The following SNX18 variants were observed in gnomAD, a reference collection of about 807,000 sequenced individuals.
SNX18 encodes sorting nexin-18.
Under a neutral mutation model 48.7 loss-of-function variants are expected in SNX18, and 35 were observed. The observed-to-expected ratio is 0.72, with a 90% CI of 0.55 to 0.95. SNX18 has a LOEUF of 0.95. Ranked by LOEUF, SNX18 falls within the 40% of genes least tolerant of loss-of-function variation. SNX18 has a pLI of 0.00. For missense variants in SNX18, 824 were observed against 871.0 expected (o/e 0.95, Z 0.68); for synonymous variants, 492 against 384.7 (o/e 1.28, Z -3.26).
chr5:54,619,574 A>T, the SNX18 span, among the ~76,000 whole-genome samples: 3 of 152,186 alleles, frequency 2.0e-5, no homozygotes, highest in East Asian at 5.8e-4. Context: ...GTTAGGGCAC[A>T]ATACACTTTG....
At chr5:54,547,605 G>T (rs1236434926), downstream of SNX18, among the ~76,000 whole-genome samples, 1 of 152,194 alleles carries the variant, frequency 6.6e-6, no homozygotes. Flanking sequence ...AAAGGTGAGA[G>T]TCTGTGCTGC....
chr5:54,572,672 T>G, the SNX18 span, among the ~76,000 whole-genome samples: 10 of 149,188 alleles, frequency 6.7e-5, no homozygotes, highest in Admixed American at 6.8e-5. Context: ...TTATGTTAAT[T>G]TATTAAAATA....
chr5:54,563,675 A>T, the SNX18 span, among the ~76,000 whole-genome samples: 2 of 152,098 alleles, frequency 1.3e-5, no homozygotes, highest in Non-Finnish European at 2.9e-5. Context: ...CACCTTTCTG[A>T]TCCAGGTACA....
chr5:54,591,639 CT>C, the SNX18 span, among the ~76,000 whole-genome samples: 3 of 152,256 alleles, frequency 2.0e-5, no homozygotes, highest in Non-Finnish European at 2.9e-5. Context: ...TAATGTTCTC[CT>C]TTACCTCCTA....
chr5:54,518,266 A>C lies in SNX18; in HGVS notation c.314A>C (p.Gln105Pro). The C allele has an allele frequency of 6.8e-7, 1 of 1,475,786 alleles. No individual in the cohort carries two copies. Among genetic ancestry groups the C allele is most frequent in the African/African-American group, 1.5e-5 (1 of 67,768 alleles). The allele number at this position is 1,475,786 out of a possible 1,614,324, so 91.4% of individuals were successfully genotyped here. A position where few individuals can be genotyped will look rare whatever the true frequency, so the allele number is the denominator to read the frequency against. The change falls in exon 1 of 2, where the codon CAG becomes CCG. Residue 105 changes from glutamine (Q) to proline (P), a missense_variant. By Grantham distance (76) the Gln-to-Pro change is moderately conservative. Coordinates refer to ENST00000381410, the MANE Select transcript of SNX18 (RefSeq NM_001102575.2). Reference protein sequence around the residue: ...ASFKPPPDAFQALLQPQQAPP... With the variant: ...ASFKPPPDAFPALLQPQQAPP... ...TTCAAGCCGCCGCCTGACGCCTTCC[A>C]GGCGCTGCTGCAGCCACAGCAGGCG...
the SNX18 span, among the ~76,000 whole-genome samples, chr5:54,559,482 C>G: frequency 6.6e-6 from 1 of 152,132 alleles, no homozygotes; most frequent in South Asian, 2.1e-4. Context: ...GAAAAGACTC[C>G]CTATTCAATA....
chr5:54,567,141 A>T, the SNX18 span, among the ~76,000 whole-genome samples: 2 of 152,100 alleles, frequency 1.3e-5, no homozygotes, highest in Non-Finnish European at 2.9e-5. Context: ...CTTGGGAGCA[A>T]AGGTGACTTT....
the SNX18 span, among the ~76,000 whole-genome samples, chr5:54,626,000 G>A: frequency 5.3e-5 from 8 of 152,150 alleles, no homozygotes; most frequent in African/African-American, 7.2e-5. Flanking sequence ...GCCGTTGTTT[G>A]AACAACTTGA....
chr5:54,518,666 C>T lies in SNX18; in HGVS notation c.714C>T (p.Ser238=), dbSNP rs757806316. ...NLNRFSTFVK[S]GGEAFVLGEA... ...ATCGCTTCTCCACCTTCGTCAAGTC[C>T]GGCGGGGAGGCCTTCGTGCTGGGGG... is the stretch of plus-strand genomic sequence containing the variant. Residue 238 remains serine (S), a synonymous_variant, in exon 1 of 2, where the codon TCC becomes TCT. Transcript: ENST00000381410. 6 of 1,559,542 alleles carry T rather than the reference C, an allele frequency of 3.8e-6. No homozygotes were observed. Among genetic ancestry groups the T allele is most frequent in the African/African-American group, 1.4e-5 (1 of 73,146 alleles).
At chr5:54,571,072 C>T in the SNX18 span, among the ~76,000 whole-genome samples, 1 of 152,156 alleles carries the variant, frequency 6.6e-6, no homozygotes, top group Non-Finnish European at 1.5e-5. Context: ...CCTTGCACCC[C>T]TTGGTCCCTT....
chr5:54,642,819 C>A, the SNX18 span, among the ~76,000 whole-genome samples: 1 of 152,136 alleles, frequency 6.6e-6, no homozygotes, highest in Non-Finnish European at 1.5e-5. Flanking sequence ...TCAATTGTAT[C>A]CAGGGCTCCT....
downstream of SNX18, among the ~76,000 whole-genome samples, chr5:54,550,667 T>C (rs1244168628): frequency 4.6e-5 from 7 of 152,202 alleles, no homozygotes; most frequent in Non-Finnish European, 7.3e-5. Flanking sequence ...TACTGCAATC[T>C]CCGCCTCCCG....
the SNX18 span, among the ~76,000 whole-genome samples, chr5:54,628,192 AT>A: frequency 6.6e-6 from 1 of 152,176 alleles, no homozygotes; most frequent in Non-Finnish European, 1.5e-5. Flanking sequence ...CTGGGATGTT[AT>A]GCTTCACCTC....
At position 54,544,695 on chromosome 5, in the gene SNX18, A is replaced by G. The variant is rs958124693; in HGVS notation, c.*1263A>G. ...ATTTTAAATGTATTCTTTTATTATT[A>G]TAAGGGAAATACAGATGGCTGATAA... On this transcript the variant is annotated 3_prime_UTR_variant, in exon 2 of 2. Transcript: ENST00000381410. 1 of 129,270 alleles carries G rather than the reference A, an allele frequency of 7.7e-6. No individual in the cohort carries two copies. Among genetic ancestry groups the G allele is most frequent in the African/African-American group, 2.8e-5 (1 of 35,260 alleles). The allele number at this position is 129,270 out of a possible 1,614,324, so 8.0% of individuals were successfully genotyped here. A position where few individuals can be genotyped will look rare whatever the true frequency, so the allele number is the denominator to read the frequency against.
the SNX18 span, among the ~76,000 whole-genome samples, chr5:54,568,883 C>T: frequency 7.4e-6 from 1 of 134,268 alleles, no homozygotes; most frequent in African/African-American, 2.8e-5. Context: ...TGCTCTGTCT[C>T]CCAGGCTGGA....
chr5:54,587,936 G>A, the SNX18 span, among the ~76,000 whole-genome samples: 11 of 152,170 alleles, frequency 7.2e-5, no homozygotes, highest in Non-Finnish European at 1.3e-4. Flanking sequence ...GATTGTGAAC[G>A]AATGTGATGA....
rs374095539 is a variant in SNX18 at position 54,518,136 on chromosome 5, C to A, written c.184C>A (p.Pro62Thr). 1 of 1,428,898 alleles carries A rather than the reference C, an allele frequency of 7.0e-7. No homozygotes were observed. The allele number at this position is 1,428,898 out of a possible 1,614,324, so 88.5% of individuals were successfully genotyped here. A position where few individuals can be genotyped will look rare whatever the true frequency, so the allele number is the denominator to read the frequency against. The change falls in exon 1 of 2, where the codon CCC (proline) becomes ACC (threonine). Residue 62 changes from proline to threonine, a missense_variant. By Grantham distance (38) the Pro-to-Thr change is conservative. Coordinates refer to ENST00000381410, the MANE Select transcript of SNX18 (RefSeq NM_001102575.2). ...PASYVQVIRA[P>T]EPGPAGDGGP... ...CTCCTATGTGCAGGTGATCCGCGCC[C>A]CCGAGCCTGGCCCGGCGGGAGACGG...
chr5:54,568,833 C>CTTTT, the SNX18 span, among the ~76,000 whole-genome samples: 1 of 69,528 alleles, frequency 1.4e-5, no homozygotes, highest in Non-Finnish European at 2.6e-5. Context: ...TTCAGTGGTA[C>CTTTT]TTTTTTTTTT....
the SNX18 span, among the ~76,000 whole-genome samples, chr5:54,573,479 T>C: frequency 6.6e-6 from 1 of 152,144 alleles, no homozygotes; most frequent in Non-Finnish European, 1.5e-5. Flanking sequence ...TCAAATTGCA[T>C]GTTCTGGGAA....
Sources: gnomAD v4.1 joint callset for allele counts (sites outside exome capture counted in the v4.1 genomes callset) on GRCh38, gnomAD v4.1.1 for gene constraint, MANE v1.5 for transcripts, NCBI Gene and HGNC (gene_info 2026-07-23, HGNC 2026-07-21) for gene names.